FOXK1: variants seen among roughly 807,000 people sequenced by gnomAD.
FOXK1 encodes the protein forkhead box K1.
FOXK1 carries 19 observed loss-of-function variants against 51.9 expected under a neutral mutation model. That is an observed-to-expected ratio of 0.37 (90% CI 0.26 to 0.54). The LOEUF (loss-of-function observed/expected upper bound fraction) is 0.54, where lower values mean the gene tolerates loss of function less well. Ranked by LOEUF, FOXK1 falls within the 20% of genes least tolerant of loss-of-function variation. The probability of loss-of-function intolerance (pLI) is 0.87; values close to 1 mark genes in which losing one functional copy is unlikely to be tolerated. For synonymous variants in FOXK1, 537 were observed against 482.6 expected (o/e 1.11, Z -1.48); for missense variants, 870 against 1,032.7 (o/e 0.84, Z 2.16).
At chr7:4,712,061 T>C (rs1326856502) in intron 1 of FOXK1, among the ~76,000 whole-genome samples, 1 of 152,000 alleles carries the variant, frequency 6.6e-6, no homozygotes, top group Non-Finnish European at 1.5e-5. Flanking sequence ...TGTGCTTTTT[T>C]TTTTTTATCA....
At chr7:4,696,094 C>T (rs111660301) in intron 1 of FOXK1, among the ~76,000 whole-genome samples, 4 of 143,366 alleles carry the variant, frequency 2.8e-5, no homozygotes, top group Admixed American at 7.3e-5. Flanking sequence ...CCAGCCTGGG[C>T]GACAGAGCAA....
chr7:4,754,720 G>A (rs73305347), intron 3 of FOXK1, 105 bp downstream of exon 3: 77 of 1,380,248 alleles, frequency 5.6e-5, no homozygotes, highest in Non-Finnish European at 6.7e-5. Context: ...GCGTGTGCTC[G>A]AGGTGGTCTC....
At chr7:4,739,440 G>T (rs1216942553) in intron 1 of FOXK1, among the ~76,000 whole-genome samples, 1 of 152,176 alleles carries the variant, frequency 6.6e-6, no homozygotes, top group Non-Finnish European at 1.5e-5. Flanking sequence ...TTTTAACTGA[G>T]TCCCACAGTT....
intron 6 of FOXK1, 25 bp downstream of exon 6, chr7:4,759,242 G>A (rs763536098): frequency 5.6e-6 from 9 of 1,607,032 alleles, no homozygotes; most frequent in South Asian, 4.4e-5. Flanking sequence ...GCCCTCTTGC[G>A]GGGCGGGGCG....
At chr7:4,717,111 G>A (rs900991256) in intron 1 of FOXK1, among the ~76,000 whole-genome samples, 82 of 146,968 alleles carry the variant, frequency 5.6e-4, no homozygotes, top group African/African-American at 1.6e-3. Context: ...TGAGAGGTGC[G>A]TGGCTGGGAA....
intron 1 of FOXK1, among the ~76,000 whole-genome samples, chr7:4,698,240 C>G (rs1248023554): frequency 6.6e-6 from 1 of 152,000 alleles, no homozygotes; most frequent in African/African-American, 2.4e-5. Context: ...ATTTTTAGTG[C>G]TCTGCCATGT....
intron 1 of FOXK1, among the ~76,000 whole-genome samples, chr7:4,705,547 C>CTG (rs1418983747): frequency 7.1e-6 from 1 of 141,486 alleles, no homozygotes; most frequent in African/African-American, 2.8e-5. Context: ...CTCTCTCTCT[C>CTG]TCTCTCTCTC....
intron 7 of FOXK1, 136 bp from the exon 8 acceptor site, chr7:4,760,928 G>C (rs1217340725): frequency 1.4e-6 from 1 of 730,910 alleles, no homozygotes; most frequent in Non-Finnish European, 2.4e-6. Flanking sequence ...TCACCCATGG[G>C]ATTTTCCTCT....
In FOXK1 at chr7:4,762,625, C is replaced by T. The variant is rs1780951631; in HGVS notation, c.*161C>T. ...CACCCAGCCCTTTCCATTTGATCGC[C>T]TGCCTTCCCGTGGTTTAAGACAAAA... On this transcript the variant is annotated 3_prime_UTR_variant, in exon 9 of 9. Transcript: ENST00000328914. This position sits in a 1 kb window ranked among gnomAD's most constrained non-coding sequence, Gnocchi z 5.7. 1 of 651,022 alleles carries T rather than the reference C, an allele frequency of 1.5e-6. No homozygotes were observed. Among genetic ancestry groups the T allele is most frequent in the Non-Finnish European group, 2.6e-6 (1 of 385,192 alleles). 40.3% of individuals were successfully genotyped at this position (651,022 alleles called of 1,614,324 possible).
chr7:4,728,730 GAAAAAAAAAAA>G (rs67143977), intron 1 of FOXK1, among the ~76,000 whole-genome samples: 14 of 103,896 alleles, frequency 1.3e-4, no homozygotes, highest in South Asian at 3.4e-4. Context: ...GTCTCTTTTT[GAAAAAAAAAAA>G]AAAAAAAAAA....
At chr7:4,717,744 C>G (rs1257966624) in intron 1 of FOXK1, among the ~76,000 whole-genome samples, 2 of 152,152 alleles carry the variant, frequency 1.3e-5, no homozygotes, top group African/African-American at 4.8e-5. Context: ...CGAGGAGGCG[C>G]TTGAACCCTG....
chr7:4,696,637 C>T (rs1779955687), intron 1 of FOXK1, among the ~76,000 whole-genome samples: 1 of 152,228 alleles, frequency 6.6e-6, no homozygotes, highest in Non-Finnish European at 1.5e-5. Flanking sequence ...ATTTTGTTCT[C>T]AGTGCCTCGC....
In FOXK1 at chr7:4,709,054, ACT is replaced by A. The variant is rs1466383445; in HGVS notation, c.560+26189_560+26190del. On this transcript the variant is annotated intron_variant, in intron 1 of 8. Coordinates refer to ENST00000328914, the MANE Select transcript of FOXK1 (RefSeq NM_001037165.2). The surrounding 1 kb of genome is among the most constrained non-coding windows in gnomAD (Gnocchi z 5.6). Reference sequence around the variant, plus strand: ...CACTCCAGCCTGGGCAATGAGCGAGACTCTGTCTCAAAAAAAAAAAAAAAAGA... The same window carrying A: ...CACTCCAGCCTGGGCAATGAGCGAGACTGTCTCAAAAAAAAAAAAAAAAGA... Among the ~76,000 whole-genome samples, 10 of 143,170 alleles carry A rather than the reference ACT, an allele frequency of 7.0e-5. No individual in the cohort carries two copies. The highest frequency in any genetic ancestry group is 1.5e-4 in the Non-Finnish European group (10 of 66,384). The allele number at this position is 143,170 out of a possible 152,430, so 93.9% of individuals were successfully genotyped here. A position where few individuals can be genotyped will look rare whatever the true frequency, so the allele number is the denominator to read the frequency against.
chr7:4,750,259 G>A (rs1237965729), intron 2 of FOXK1, among the ~76,000 whole-genome samples: 1 of 152,078 alleles, frequency 6.6e-6, no homozygotes, highest in African/African-American at 2.4e-5. Flanking sequence ...TCCCACACCT[G>A]GGCAGCTAGG....
intron 1 of FOXK1, among the ~76,000 whole-genome samples, chr7:4,705,949 T>C (rs1780084830): frequency 7.7e-6 from 1 of 129,626 alleles, no homozygotes. Context: ...TTCAAAATTA[T>C]ATATATATAT....
intron 1 of FOXK1, among the ~76,000 whole-genome samples, chr7:4,732,940 C>T (rs1307395791): frequency 6.6e-6 from 1 of 152,214 alleles, no homozygotes; most frequent in Non-Finnish European, 1.5e-5. Context: ...TGGACGCTGA[C>T]CCAACTCTAG....
intron 1 of FOXK1, among the ~76,000 whole-genome samples, chr7:4,691,746 C>T (rs1337130474): frequency 6.6e-6 from 1 of 152,172 alleles, no homozygotes; most frequent in African/African-American, 2.4e-5. Context: ...TCAGAGGACG[C>T]TGAGCTCTGA....
Position 4,747,556 on chromosome 7 carries a change from G to T in FOXK1, c.746+6533G>T, listed in dbSNP as rs1780721379. 6.6e-6 allele frequency among the ~76,000 whole-genome samples: 1 copy of T among 152,076 alleles called. No homozygotes were observed. The highest frequency in any genetic ancestry group is 2.4e-5 in the African/African-American group (1 of 41,400). On this transcript the variant is annotated intron_variant, in intron 2 of 8. Transcript: ENST00000328914. This position sits in a 1 kb window ranked among gnomAD's most constrained non-coding sequence, Gnocchi z 9.2. Reference sequence around the variant, plus strand: ...TTGTTTTTGTTTGTTTGTTTTTTGGGACAGGGTCTCACTCTATTGCCCAGG... The same window carrying T: ...TTGTTTTTGTTTGTTTGTTTTTTGGTACAGGGTCTCACTCTATTGCCCAGG...
intron 1 of FOXK1, among the ~76,000 whole-genome samples, chr7:4,720,329 T>G (rs1162456084): frequency 2.0e-5 from 3 of 152,078 alleles, no homozygotes; most frequent in Admixed American, 2.0e-4. Context: ...GTGACATGCA[T>G]GGGAGAGCTT....
Sources: allele counts gnomAD v4.1 joint callset (sites outside exome capture counted in the v4.1 genomes callset), GRCh38; gene constraint gnomAD v4.1.1; non-coding constraint Gnocchi (gnomAD v3.1); transcripts MANE v1.5; gene names NCBI Gene and HGNC (gene_info 2026-07-23, HGNC 2026-07-21).